WNK3: variants seen among roughly 807,000 people sequenced by gnomAD.
The protein encoded by WNK3 is serine/threonine-protein kinase WNK3.
In WNK3, 18 loss-of-function variants were observed where a neutral mutation model predicts 116.7. That is an observed-to-expected ratio of 0.15 (90% CI 0.11 to 0.23). The LOEUF (loss-of-function observed/expected upper bound fraction) is 0.23, where lower values mean the gene tolerates loss of function less well. Among genes scored for constraint, WNK3 ranks in the 10% least tolerant of loss-of-function variants. The pLI is 1.00. For synonymous variants in WNK3, 404 were observed against 469.4 expected (o/e 0.86, Z 1.80); for missense variants, 993 against 1,323.8 (o/e 0.75, Z 3.88).
At chrX:54,288,161 C>G (rs968464236) in intron 10 of WNK3, among the ~76,000 whole-genome samples, 1 of 111,374 alleles carries the variant, frequency 9.0e-6, no homozygotes, top group Admixed American at 9.6e-5. Flanking sequence ...CTAGGTTTTT[C>G]TGTAGGGGAA....
At chrX:54,354,441 G>C (rs1251363750) in intron 1 of WNK3, among the ~76,000 whole-genome samples, 1 of 111,273 alleles carries the variant, frequency 9.0e-6, no homozygotes, top group Non-Finnish European at 1.9e-5. Flanking sequence ...GAAAGGAGGG[G>C]TTTTTTTCCT....
At chrX:54,213,138 G>C (rs2067635320) in intron 22 of WNK3, among the ~76,000 whole-genome samples, 1 of 110,238 alleles carries the variant, frequency 9.1e-6, no homozygotes, top group Non-Finnish European at 1.9e-5. Flanking sequence ...GCGCTACCAT[G>C]ACGGGCTAAT....
intron 17 of WNK3, among the ~76,000 whole-genome samples, chrX:54,240,226 C>G (rs908242886): frequency 1.8e-5 from 2 of 109,991 alleles, no homozygotes; most frequent in African/African-American, 6.6e-5. Flanking sequence ...ATAGCTAGAA[C>G]CCGGAGGCGG....
chrX:54,352,533 T>C (rs1260764166), intron 1 of WNK3, among the ~76,000 whole-genome samples: 1 of 110,430 alleles, frequency 9.1e-6, no homozygotes, highest in Non-Finnish European at 1.9e-5. Context: ...ATTAGCCTGG[T>C]GTGGGGCGTG....
At chrX:54,351,541 C>T (rs782102030) in intron 1 of WNK3, among the ~76,000 whole-genome samples, 19 of 111,088 alleles carry the variant, frequency 1.7e-4, no homozygotes, top group Non-Finnish European at 3.4e-4. Flanking sequence ...GAGGCTGAGG[C>T]GGGAGGATCA....
At chrX:54,302,430 C>T (rs1189828373) in intron 5 of WNK3, among the ~76,000 whole-genome samples, 1 of 110,110 alleles carries the variant, frequency 9.1e-6, no homozygotes, top group Admixed American at 9.9e-5. Flanking sequence ...TCCTGAGTAG[C>T]TGGGATTACA....
At chrX:54,307,703 C>T (rs1204352963) in intron 5 of WNK3, among the ~76,000 whole-genome samples, 1 of 110,987 alleles carries the variant, frequency 9.0e-6, no homozygotes, top group African/African-American at 3.3e-5. Context: ...AGATGATATA[C>T]CTGTACATTT....
chrX:54,258,526 G>T (rs2068221711), intron 11 of WNK3, among the ~76,000 whole-genome samples: 1 of 107,890 alleles, frequency 9.3e-6, no homozygotes, highest in Non-Finnish European at 1.9e-5. Context: ...TAGAGGCAGG[G>T]TTTCACCATG....
chrX:54,292,413 G>GAA (rs1348698888), intron 10 of WNK3, among the ~76,000 whole-genome samples: 5 of 111,098 alleles, frequency 4.5e-5, no homozygotes, highest in Non-Finnish European at 9.4e-5. Flanking sequence ...ACATTAAGAG[G>GAA]AACATCTTGG....
At chrX:54,280,644 C>A (rs886084224) in intron 10 of WNK3, among the ~76,000 whole-genome samples, 6 of 112,022 alleles carry the variant, frequency 5.4e-5, no homozygotes, top group African/African-American at 1.9e-4. Context: ...AAGGATGCAG[C>A]TGGAGGCCAT....
At chrX:54,302,595 C>T (rs2068769549) in intron 5 of WNK3, among the ~76,000 whole-genome samples, 1 of 108,677 alleles carries the variant, frequency 9.2e-6, no homozygotes, top group African/African-American at 3.3e-5. Context: ...GCCACTGCGC[C>T]CAGCCATAAA....
At chrX:54,344,635 C>A (rs2069383035) in intron 1 of WNK3, among the ~76,000 whole-genome samples, 2 of 112,351 alleles carry the variant, frequency 1.8e-5, no homozygotes, top group African/African-American at 3.2e-5. Flanking sequence ...TAAGACCTGA[C>A]TAAACATAAA....
chrX:54,346,095 GAT>G (rs1209120909), intron 1 of WNK3, among the ~76,000 whole-genome samples: 5 of 74,120 alleles, frequency 6.7e-5, no homozygotes, highest in Admixed American at 1.8e-4. Flanking sequence ...TTAACTCAAT[GAT>G]ATATATATAT....
At chrX:54,331,790 T>C (rs2069173983) in intron 2 of WNK3, among the ~76,000 whole-genome samples, 1 of 111,774 alleles carries the variant, frequency 8.9e-6, no homozygotes, top group East Asian at 2.8e-4. Context: ...ATACTGACTC[T>C]TATAAACAGT....
intron 1 of WNK3, among the ~76,000 whole-genome samples, chrX:54,344,219 G>T (rs1557176923): frequency 9.0e-6 from 1 of 111,642 alleles, no homozygotes; most frequent in African/African-American, 3.2e-5. Context: ...CGAGGCAGGC[G>T]GATCACGAGG....
chrX:54,248,833 G>A (rs782166941), exon 17 of WNK3: 34 of 1,209,780 alleles, frequency 2.8e-5, no homozygotes, highest in Non-Finnish European at 3.8e-5. Flanking sequence ...GGATTGTACA[G>A]GGCTATCTTT....
chrX:54,264,861 T>C, intron 10 of WNK3, among the ~76,000 whole-genome samples: 1 of 110,348 alleles, frequency 9.1e-6, no homozygotes. Context: ...ACATTTTTTT[T>C]TTTTTTAATG....
rs148927028 is a variant in WNK3 at position 54,345,855 on chromosome X, G to C, written c.-120+11831C>G. On this transcript the variant is annotated intron_variant, in intron 1 of 23. Transcript: ENST00000354646. Reference sequence around the variant, plus strand: ...CTATTTACATGGCAGTATAAAAATAGAGATCATCTCTATCTTGAGGTTCAA... The same window carrying C: ...CTATTTACATGGCAGTATAAAAATACAGATCATCTCTATCTTGAGGTTCAA... Among the ~76,000 whole-genome samples, 528 of 108,189 alleles carry C rather than the reference G, an allele frequency of 4.9e-3. 2 individuals carry two copies. Among genetic ancestry groups the C allele is most frequent in the African/African-American group, 0.016 (492 of 29,886 alleles). The allele number at this position is 108,189 out of a possible 115,157, so 93.9% of individuals were successfully genotyped here.
intron 17 of WNK3, among the ~76,000 whole-genome samples, chrX:54,239,746 C>T (rs975325834): frequency 9.0e-5 from 10 of 111,239 alleles, no homozygotes; most frequent in Admixed American, 6.8e-4. Flanking sequence ...TCAATCCCCT[C>T]TTCTTGTCCT....
Sources: allele counts gnomAD v4.1 joint callset (sites outside exome capture counted in the v4.1 genomes callset), GRCh38; gene constraint gnomAD v4.1.1; transcripts MANE v1.5; gene names NCBI Gene and HGNC (gene_info 2026-07-23, HGNC 2026-07-21).